The following ADGRV1 variants were observed in gnomAD, a reference collection of about 807,000 sequenced individuals.
ADGRV1 encodes the protein G-protein coupled receptor 98.
Under a neutral mutation model 596.2 loss-of-function variants are expected in ADGRV1, and 359 were observed. That is an observed-to-expected ratio of 0.60 (90% CI 0.55 to 0.66). ADGRV1 has a LOEUF of 0.66. Ranked by LOEUF, ADGRV1 falls within the 30% of genes least tolerant of loss-of-function variation. The pLI is 0.00. For synonymous variants in ADGRV1, 2,681 were observed against 2,679.2 expected (o/e 1.00, Z -0.02); for missense variants, 7,274 against 7,575.6 (o/e 0.96, Z 1.48).
At chr5:91,083,510 G>T (rs1789601049) in intron 86 of ADGRV1, among the ~76,000 whole-genome samples, 1 of 151,618 alleles carries the variant, frequency 6.6e-6, no homozygotes, top group South Asian at 2.1e-4. Flanking sequence ...ACAATATGTT[G>T]TTTTTTGTTT....
chr5:90,628,041 A>G (rs1580507479), intron 7 of ADGRV1: 2 of 256,756 alleles, frequency 7.8e-6, no homozygotes, highest in Non-Finnish European at 1.5e-5. Flanking sequence ...CAAATGATTC[A>G]TAGTATAGTA....
chr5:91,127,558 A>AAC (rs1554230940), intron 87 of ADGRV1, among the ~76,000 whole-genome samples: 1 of 151,050 alleles, frequency 6.6e-6, no homozygotes, highest in Non-Finnish European at 1.5e-5. Flanking sequence ...AAAAAAAAAA[A>AAC]TCTTACTAGA....
intron 1 of ADGRV1, among the ~76,000 whole-genome samples, chr5:90,588,579 G>A (rs1029265425): frequency 6.6e-5 from 10 of 152,216 alleles, no homozygotes; most frequent in Non-Finnish European, 1.0e-4. Flanking sequence ...AGGTCAGAAA[G>A]AAGGCAAGGG....
At chr5:91,102,693 G>C (rs959827311) in intron 87 of ADGRV1, among the ~76,000 whole-genome samples, 1 of 152,192 alleles carries the variant, frequency 6.6e-6, no homozygotes, top group South Asian at 2.1e-4. Flanking sequence ...TTGTGGCTGG[G>C]TCTAGAAATT....
rs1176108191 is a variant in ADGRV1, at chr5:90,853,417, G to A, written c.17338G>A (p.Val5780Ile). 3 of 1,613,474 alleles carry A rather than the reference G, an allele frequency of 1.9e-6. No individual in the cohort carries two copies. Among genetic ancestry groups the A allele is most frequent in the Non-Finnish European group, 2.5e-6 (3 of 1,179,622 alleles). ...TCGAATTCCAGAGAGGCTACTGGAT[G>A]TCCAGGATGCAGAAATAATGGCTGG... ...YIRIPERLLD[V>I]QDAEIMAGKS... Residue 5780 changes from valine to isoleucine, a missense_variant, in exon 80 of 90, where the codon GTC becomes ATC. Coordinates refer to ENST00000405460, the MANE Select transcript of ADGRV1 (RefSeq NM_032119.4).
intron 30 of ADGRV1, 61 bp downstream of exon 30, chr5:90,690,137 A>C: frequency 1.0e-6 from 1 of 991,616 alleles, no homozygotes; most frequent in Non-Finnish European, 1.5e-6. Flanking sequence ...ATAGATAATG[A>C]TCTTTACTTT....
intron 85 of ADGRV1, among the ~76,000 whole-genome samples, chr5:91,053,029 A>G (rs1786495764): frequency 6.6e-6 from 1 of 152,116 alleles, no homozygotes; most frequent in Admixed American, 6.5e-5. Flanking sequence ...TACCTCTACT[A>G]CACTTCCTAA....
intron 1 of ADGRV1, among the ~76,000 whole-genome samples, chr5:90,594,686 C>G (rs1354449549): frequency 6.7e-6 from 1 of 149,590 alleles, no homozygotes; most frequent in Non-Finnish European, 1.5e-5. Context: ...GGTGATGACT[C>G]TTAATGAGCA....
intron 1 of ADGRV1, among the ~76,000 whole-genome samples, chr5:90,587,164 A>G (rs1580358127): frequency 6.6e-6 from 1 of 152,254 alleles, no homozygotes; most frequent in East Asian, 1.9e-4. Context: ...ATCCCTTTAG[A>G]TACTCAAAAA....
chr5:90,654,331 A>G (rs1333303837), intron 20 of ADGRV1: 1 of 243,454 alleles, frequency 4.1e-6, no homozygotes, highest in African/African-American at 2.3e-5. Context: ...GAAATGTGAA[A>G]CAGCGTGTTG....
intron 65 of ADGRV1, 61 bp downstream of exon 65, chr5:90,781,639 T>G (rs1758865092): frequency 2.7e-6 from 4 of 1,484,496 alleles, no homozygotes; most frequent in Non-Finnish European, 3.6e-6. Flanking sequence ...TACATTAGTT[T>G]GAATTTCCGT....
intron 83 of ADGRV1, among the ~76,000 whole-genome samples, chr5:90,937,481 G>T (rs1188955951): frequency 9.9e-4 from 133 of 134,984 alleles, no homozygotes; most frequent in African/African-American, 3.6e-3. Context: ...TTTTTGAGAC[G>T]GAGTCTAGCT....
chr5:90,672,543 C>G lies in ADGRV1; in HGVS notation c.4753-3C>G. 6.2e-7 allele frequency: 1 copy of G among 1,610,504 alleles called. No individual in the cohort carries two copies. The highest frequency in any genetic ancestry group is 1.3e-5 in the African/African-American group (1 of 74,940). ...CCTATTAATAATTTACATTCAATTTCAGATTGCAGAGGAGGGATCAACCAT... is the reference window on the plus strand; with the variant it reads ...CCTATTAATAATTTACATTCAATTTGAGATTGCAGAGGAGGGATCAACCAT... On this transcript the variant is annotated splice_region_variant and splice_polypyrimidine_tract_variant and intron_variant, in intron 21 of 89. Coordinates refer to ENST00000405460, the MANE Select transcript of ADGRV1 (RefSeq NM_032119.4).
In ADGRV1 at chr5:91,015,506, C is replaced by A. The variant is rs556592435; in HGVS notation, c.18152+29984C>A. 9.2e-4 allele frequency among the ~76,000 whole-genome samples: 140 copies of A among 151,966 alleles called. 1 individual carries two copies. The highest frequency in any genetic ancestry group is 1.8e-3 in the Admixed American group (27 of 15,228). On this transcript the variant is annotated intron_variant, in intron 85 of 89. Transcript: ENST00000405460. ...GTTGAAGTCTCCCATTATTGTTGTG[C>A]GGGAGTCTATGTCTCTTTGTAGGTT...
chr5:90,763,163 A>G, intron 58 of ADGRV1, 142 bp from the exon 59 acceptor site: 2 of 758,100 alleles, frequency 2.6e-6, no homozygotes, highest in Non-Finnish European at 3.9e-6. Flanking sequence ...GGTAAAAAAA[A>G]TTTTTCTGCC....
At chr5:91,023,071 T>C (rs1783770740) in intron 85 of ADGRV1, among the ~76,000 whole-genome samples, 1 of 152,156 alleles carries the variant, frequency 6.6e-6, no homozygotes, top group Non-Finnish European at 1.5e-5. Flanking sequence ...ACAGAAATGA[T>C]TGATTTTTCC....
chr5:91,076,706 T>C (rs901702101), intron 86 of ADGRV1, among the ~76,000 whole-genome samples: 3 of 152,144 alleles, frequency 2.0e-5, no homozygotes, highest in African/African-American at 7.2e-5. Flanking sequence ...TTTTAAAGCT[T>C]TACCTCTATA....
intron 85 of ADGRV1, among the ~76,000 whole-genome samples, chr5:91,012,212 A>G (rs1782777756): frequency 6.6e-6 from 1 of 151,738 alleles, no homozygotes; most frequent in South Asian, 2.1e-4. Context: ...TTTCCCTTAA[A>G]CCAGTGTTCA....
At chr5:91,045,348 G>A (rs1785708916) in intron 85 of ADGRV1, among the ~76,000 whole-genome samples, 1 of 152,152 alleles carries the variant, frequency 6.6e-6, no homozygotes, top group African/African-American at 2.4e-5. Flanking sequence ...CCATGATCAA[G>A]TAGGTTTCAT....
Sources: allele counts gnomAD v4.1 joint callset (sites outside exome capture counted in the v4.1 genomes callset), GRCh38; gene constraint gnomAD v4.1.1; transcripts MANE v1.5; gene names NCBI Gene and HGNC (gene_info 2026-07-23, HGNC 2026-07-21).